Variants in IGSF21 observed in about 807,000 individuals in gnomAD.
The protein encoded by IGSF21 is immunoglobulin superfamily member 21.
IGSF21 carries 28 observed loss-of-function variants against 46.8 expected under a neutral mutation model. That is an observed-to-expected ratio of 0.60 (90% confidence interval 0.44 to 0.82). The LOEUF (loss-of-function observed/expected upper bound fraction) is 0.82, where lower values mean the gene tolerates loss of function less well. IGSF21 is among the 40% of genes least tolerant of loss of function. The probability of loss-of-function intolerance (pLI) is 0.00; values close to 1 mark genes in which losing one functional copy is unlikely to be tolerated. For synonymous variants in IGSF21, 284 were observed against 273.6 expected (o/e 1.04, Z -0.38); for missense variants, 624 against 665.5 (o/e 0.94, Z 0.69).
At chr1:18,351,907 C>A (rs1339958784) in intron 4 of IGSF21, among the ~76,000 whole-genome samples, 1 of 152,198 alleles carries the variant, frequency 6.6e-6, no homozygotes, top group Non-Finnish European at 1.5e-5. Context: ...CAGCGGCCAC[C>A]CACAGGCTGC....
chr1:18,118,716 G>A (rs1335414276), intron 1 of IGSF21, among the ~76,000 whole-genome samples: 1 of 152,132 alleles, frequency 6.6e-6, no homozygotes, highest in African/African-American at 2.4e-5. Flanking sequence ...CCTAGGGCCT[G>A]TTGCCTGGCT....
At chr1:18,239,579 G>A (rs533811184) in intron 2 of IGSF21, among the ~76,000 whole-genome samples, 14 of 152,222 alleles carry the variant, frequency 9.2e-5, no homozygotes, top group South Asian at 6.2e-4. Context: ...TTCCTACCAC[G>A]TTCCCAAATG....
chr1:18,222,914 G>A (rs1283881496), intron 1 of IGSF21, among the ~76,000 whole-genome samples: 1 of 152,162 alleles, frequency 6.6e-6, no homozygotes, highest in African/African-American at 2.4e-5. Context: ...TCTCAGAGGT[G>A]TTTTCTCACC....
chr1:18,316,308 T>C (rs2085542739), intron 3 of IGSF21, among the ~76,000 whole-genome samples: 1 of 152,158 alleles, frequency 6.6e-6, no homozygotes. Flanking sequence ...GGGAATGAGT[T>C]TTTGAGCTGA....
chr1:18,206,407 G>A (rs1470685275), intron 1 of IGSF21, among the ~76,000 whole-genome samples: 1 of 152,088 alleles, frequency 6.6e-6, no homozygotes, highest in East Asian at 1.9e-4. Flanking sequence ...AAATTAATTG[G>A]GTGTGGTGGT....
At chr1:18,185,391 A>T (rs564454654) in intron 1 of IGSF21, among the ~76,000 whole-genome samples, 58 of 152,346 alleles carry the variant, frequency 3.8e-4, no homozygotes, top group African/African-American at 1.3e-3. Context: ...TCCAAGTATT[A>T]AAGTTAATGG....
At position 18,337,015 on chromosome 1, in the gene IGSF21, A is replaced by AG. The variant is rs1462165900; in HGVS notation, c.424+2007dup. 6.6e-6 allele frequency among the ~76,000 whole-genome samples: 1 copy of AG among 152,226 alleles called. No homozygotes were observed. The highest frequency in any genetic ancestry group is 6.5e-5 in the Admixed American group (1 of 15,284). ...CCCTATGATTCAGTTATCTCCCACT[A>AG]GGTCCCTCCTACAACACATGGGAAT... On this transcript the variant is annotated intron_variant, in intron 4 of 9. Transcript: ENST00000251296. This position sits in a 1 kb window ranked among gnomAD's most constrained non-coding sequence, Gnocchi z 5.7.
At chr1:18,325,314 C>T (rs2085646890) in intron 3 of IGSF21, among the ~76,000 whole-genome samples, 1 of 152,100 alleles carries the variant, frequency 6.6e-6, no homozygotes, top group Admixed American at 6.5e-5. Flanking sequence ...AAGCACTAGG[C>T]TCTGGTATTT....
intron 1 of IGSF21, among the ~76,000 whole-genome samples, chr1:18,168,382 A>G (rs530984389): frequency 1.3e-4 from 20 of 152,286 alleles, no homozygotes; most frequent in Non-Finnish European, 2.5e-4. Flanking sequence ...ACATTGTTGC[A>G]TAAATAAGAA....
At chr1:18,203,179 G>A (rs757906382) in intron 1 of IGSF21, among the ~76,000 whole-genome samples, 4 of 152,328 alleles carry the variant, frequency 2.6e-5, no homozygotes, top group Non-Finnish European at 5.9e-5. Flanking sequence ...TTCCTGCTGA[G>A]CCCACTTGTT....
chr1:18,142,380 T>A (rs2086422343), intron 1 of IGSF21, among the ~76,000 whole-genome samples: 1 of 152,222 alleles, frequency 6.6e-6, no homozygotes, highest in African/African-American at 2.4e-5. Flanking sequence ...CCTCTCTGAC[T>A]CAACGCCCTG....
chr1:18,373,770 T>C (rs527915719), intron 6 of IGSF21, among the ~76,000 whole-genome samples: 1 of 152,268 alleles, frequency 6.6e-6, no homozygotes, highest in Non-Finnish European at 1.5e-5. Flanking sequence ...AGCATGACCT[T>C]GGACAAGCCA....
chr1:18,252,042 G>C (rs959397734), intron 2 of IGSF21, among the ~76,000 whole-genome samples: 2 of 132,512 alleles, frequency 1.5e-5, no homozygotes, highest in Admixed American at 9.0e-5. Context: ...TTCTGACCAA[G>C]GCGTTTTTTT....
intron 6 of IGSF21, among the ~76,000 whole-genome samples, chr1:18,375,507 T>C (rs2086271518): frequency 6.6e-6 from 1 of 152,180 alleles, no homozygotes; most frequent in East Asian, 1.9e-4. Context: ...GTTCAGAGGA[T>C]AGCCATGCCT....
chr1:18,176,441 T>C lies in IGSF21; in HGVS notation c.71-51457T>C, dbSNP rs2086798227. Among the ~76,000 whole-genome samples the C allele has an allele frequency of 2.0e-5, 3 of 152,158 alleles. No individual in the cohort carries two copies. The South Asian group carries it at 6.2e-4, about 32-fold the overall frequency. On this transcript the variant is annotated intron_variant, in intron 1 of 9. Coordinates refer to ENST00000251296, the MANE Select transcript of IGSF21 (RefSeq NM_032880.5). ...AGCCAAGTGATCTTGAGAGCAAGAC[T>C]TTTCCTCCTTGAACCTTAGGGGTCC...
intron 5 of IGSF21, 27 bp downstream of exon 5, chr1:18,362,257 C>T (rs548334008): frequency 6.6e-7 from 1 of 1,521,094 alleles, no homozygotes; most frequent in South Asian, 1.2e-5. Flanking sequence ...TGCCCAGCTC[C>T]TTCCTATCTG....
chr1:18,331,978 G>A (rs976456236), intron 3 of IGSF21, among the ~76,000 whole-genome samples: 1 of 152,276 alleles, frequency 6.6e-6, no homozygotes, highest in South Asian at 2.1e-4. Context: ...TTCAATCGAT[G>A]GTAGAAGGAG....
chr1:18,300,174 T>C (rs574463190), intron 3 of IGSF21, among the ~76,000 whole-genome samples: 1 of 152,164 alleles, frequency 6.6e-6, no homozygotes, highest in African/African-American at 2.4e-5. Context: ...CCTTGGAAGT[T>C]GCTTTAAAAT....
chr1:18,234,873 A>C (rs2084659031), intron 2 of IGSF21, among the ~76,000 whole-genome samples: 1 of 152,152 alleles, frequency 6.6e-6, no homozygotes, highest in African/African-American at 2.4e-5. Flanking sequence ...CCCTAACCAC[A>C]GCTGTTAAGT....
Sources: allele counts gnomAD v4.1 joint callset (sites outside exome capture counted in the v4.1 genomes callset), GRCh38; gene constraint gnomAD v4.1.1; non-coding constraint Gnocchi (gnomAD v3.1); transcripts MANE v1.5; gene names NCBI Gene and HGNC (gene_info 2026-07-23, HGNC 2026-07-21).